Variants in PARN observed in about 807,000 individuals in gnomAD.
PARN encodes the protein poly(A)-specific ribonuclease PARN.
A neutral mutation model predicts 102.8 loss-of-function variants in PARN; 71 were observed. That is an observed-to-expected ratio of 0.69 (90% CI 0.57 to 0.84). The LOEUF (loss-of-function observed/expected upper bound fraction) is 0.84, where lower values mean the gene tolerates loss of function less well. Ranked by LOEUF, PARN falls within the 40% of genes least tolerant of loss-of-function variation. PARN has a pLI of 0.00. For synonymous variants in PARN, 261 were observed against 252.9 expected (o/e 1.03, Z -0.30); for missense variants, 782 against 760.9 (o/e 1.03, Z -0.33).
At chr16:14,536,587 G>A (rs999694897) in intron 21 of PARN, among the ~76,000 whole-genome samples, 3 of 151,978 alleles carry the variant, frequency 2.0e-5, no homozygotes, top group Non-Finnish European at 2.9e-5. Flanking sequence ...CAGATGTATC[G>A]TACACTTAAA....
intron 10 of PARN, among the ~76,000 whole-genome samples, chr16:14,605,761 T>C (rs984524573): frequency 4.6e-5 from 7 of 152,186 alleles, no homozygotes; most frequent in Non-Finnish European, 8.8e-5. Context: ...CCATCACAAT[T>C]CTATCAGTGT....
At chr16:14,505,678 T>C (rs900554011) in intron 21 of PARN, among the ~76,000 whole-genome samples, 6 of 152,174 alleles carry the variant, frequency 3.9e-5, no homozygotes, top group African/African-American at 1.4e-4. Flanking sequence ...AATGGTTCAT[T>C]AAATGTAATA....
chr16:14,617,601 A>G lies in PARN; in HGVS notation c.377T>C (p.Val126Ala). The part of the protein sequence containing the change: ...LASQGFDFNK[V>A]FRNGIPYLNQ... ...ACCCATAATCTTACCATTTCGAAAA[A>G]CTTTATTAAAATCAAATCCCTGGCT... Residue 126 changes from valine to alanine, a missense_variant, in exon 6 of 24, where the codon GTT becomes GCT. Transcript: ENST00000437198. 6.4e-7 allele frequency: 1 copy of G among 1,562,054 alleles called. No homozygotes were observed. The highest frequency in any genetic ancestry group is 8.8e-7 in the Non-Finnish European group (1 of 1,132,662).
At chr16:14,584,706 CAGTA>C (rs759494543) in intron 15 of PARN, 39 bp downstream of exon 15, 10 of 1,385,740 alleles carry the variant, frequency 7.2e-6, no homozygotes, top group Non-Finnish European at 1.0e-5. Context: ...TCATTTCACT[CAGTA>C]ATATGCAGTC....
At chr16:14,597,034 C>G (rs1317586717) in intron 12 of PARN, among the ~76,000 whole-genome samples, 1 of 151,954 alleles carries the variant, frequency 6.6e-6, no homozygotes, top group African/African-American at 2.4e-5. Flanking sequence ...TGATCCGCCC[C>G]CCTTGGCCTC....
chr16:14,622,670 A>G (rs945375506), intron 5 of PARN, among the ~76,000 whole-genome samples: 1 of 152,060 alleles, frequency 6.6e-6, no homozygotes, highest in Non-Finnish European at 1.5e-5. Context: ...ACGCCTGGCT[A>G]ATTTTTTTTG....
chr16:14,538,687 T>C (rs1966720673), intron 21 of PARN, among the ~76,000 whole-genome samples: 1 of 152,134 alleles, frequency 6.6e-6, no homozygotes, highest in African/African-American at 2.4e-5. Flanking sequence ...CCAGCTAACA[T>C]AGGCCCTAAA....
chr16:14,628,311 G>A (rs976112428), intron 2 of PARN, 60 bp from the exon 3 acceptor site: 3 of 932,558 alleles, frequency 3.2e-6, no homozygotes, highest in African/African-American at 1.7e-5. Flanking sequence ...AAAAATGCCA[G>A]TCAATCATTC....
chr16:14,470,434 G>GATTATT (rs1366806023), intron 22 of PARN, among the ~76,000 whole-genome samples: 40 of 113,980 alleles, frequency 3.5e-4, no homozygotes, highest in Admixed American at 7.7e-4. Flanking sequence ...TTAGAGTTTG[G>GATTATT]ATGATTATTA....
At chr16:14,593,455 T>G (rs975218930) in intron 12 of PARN, 77 bp from the exon 13 acceptor site, 2 of 369,744 alleles carry the variant, frequency 5.4e-6, no homozygotes, top group South Asian at 4.9e-5. Flanking sequence ...TAGTTCAGAT[T>G]CCAAGAGGAC....
intron 21 of PARN, among the ~76,000 whole-genome samples, chr16:14,548,990 GA>G (rs1233086189): frequency 6.7e-6 from 1 of 149,454 alleles, no homozygotes; most frequent in Non-Finnish European, 1.5e-5. Context: ...GGGGAAGGGA[GA>G]GGGGGGAAGG....
In PARN at chr16:14,585,618, G is replaced by A. The variant is rs906021287; in HGVS notation, c.962+700C>T. ...CAACAGGAAAAGGCACTGACTTGAA[G>A]TGGATGAAAAACAAAATCTCTAGCC... On this transcript the variant is annotated intron_variant, in intron 14 of 23. Coordinates refer to ENST00000437198, the MANE Select transcript of PARN (RefSeq NM_002582.4). Among the ~76,000 whole-genome samples, 3 of 152,158 alleles carry A rather than the reference G, an allele frequency of 2.0e-5. No individual in the cohort carries two copies. The South Asian group carries it at 6.2e-4, about 32-fold the overall frequency.
chr16:14,440,991 A>G (rs1960916431), intron 23 of PARN, among the ~76,000 whole-genome samples: 1 of 152,194 alleles, frequency 6.6e-6, no homozygotes, highest in Non-Finnish European at 1.5e-5. Context: ...GAAAGTGATG[A>G]CTTTCATTGG....
intron 21 of PARN, among the ~76,000 whole-genome samples, chr16:14,529,172 C>T (rs1395983068): frequency 6.6e-6 from 1 of 152,192 alleles, no homozygotes; most frequent in East Asian, 1.9e-4. Context: ...ACTCTAAAGG[C>T]TTCCCCACAA....
chr16:14,501,485 T>TAAAAAAAAAA (rs1964614612), intron 21 of PARN: 5 of 96,860 alleles, frequency 5.2e-5, no homozygotes, highest in African/African-American at 7.3e-5. Flanking sequence ...GAATGAATGT[T>TAAAAAAAAAA]AAAATGTAGG....
rs368804005 is a variant in PARN at position 14,610,787 on chromosome 16, T to C, written c.411A>G (p.Glu137=). ...FRNGIPYLNQ[E]EERQLREQYD... The stretch of plus-strand genomic sequence containing the variant: ...ACTGCTCTCTTAACTGTCTTTCTTC[T>C]TCCTGATTTAAATATGGAATTCCTA... Residue 137 remains glutamate, a synonymous_variant, in exon 7 of 24, where the codon GAA becomes GAG. Transcript: ENST00000437198. 7.1e-5 allele frequency: 115 copies of C among 1,610,196 alleles called. No individual in the cohort carries two copies. Among genetic ancestry groups the C allele is most frequent in the Non-Finnish European group, 8.9e-5 (105 of 1,176,854 alleles).
chr16:14,621,893 T>G (rs1972325768), intron 5 of PARN, among the ~76,000 whole-genome samples: 1 of 151,744 alleles, frequency 6.6e-6, no homozygotes, highest in South Asian at 2.1e-4. Context: ...TGTAACATGT[T>G]CAAGATTGAA....
chr16:14,484,294 C>T (rs12445167), intron 21 of PARN, among the ~76,000 whole-genome samples: 23,781 of 152,146 alleles, frequency 0.16, 2,386 homozygotes, highest in Middle Eastern at 0.27. Flanking sequence ...ATCACGATGG[C>T]GGCATGGGAG....
intron 22 of PARN, among the ~76,000 whole-genome samples, chr16:14,447,311 A>G (rs1961247244): frequency 6.6e-6 from 1 of 152,232 alleles, no homozygotes; most frequent in South Asian, 2.1e-4. Context: ...TTGTAAATAG[A>G]TATACACAAA....
Sources: allele counts gnomAD v4.1 joint callset (sites outside exome capture counted in the v4.1 genomes callset), GRCh38; gene constraint gnomAD v4.1.1; transcripts MANE v1.5; gene names NCBI Gene and HGNC (gene_info 2026-07-23, HGNC 2026-07-21).